UST: variants seen among roughly 807,000 people sequenced by gnomAD.
UST encodes the protein chondroitin sulfate 2-O-sulfotransferase.
Under a neutral mutation model 45.6 loss-of-function variants are expected in UST, and 21 were observed. The ratio of observed to expected loss-of-function variants is 0.46; its 90% confidence interval spans 0.33 to 0.66. UST has a LOEUF of 0.66. UST is among the 30% of genes least tolerant of loss of function. UST has a pLI of 0.02. For synonymous variants in UST, 215 were observed against 200.6 expected (o/e 1.07, Z -0.61); for missense variants, 463 against 512.4 (o/e 0.90, Z 0.93).
intron 5 of UST, among the ~76,000 whole-genome samples, chr6:148,994,373 A>T (rs1781410490): frequency 1.3e-5 from 2 of 152,218 alleles, no homozygotes; most frequent in Admixed American, 6.5e-5. Flanking sequence ...AAAACAATTT[A>T]TTCACTTTAA....
chr6:148,864,219 C>G (rs1221512919), intron 1 of UST, among the ~76,000 whole-genome samples: 2 of 152,258 alleles, frequency 1.3e-5, no homozygotes, highest in East Asian at 1.9e-4. Context: ...GCCCCTCCCC[C>G]AGCCTGGCTG....
Position 148,812,057 on chromosome 6 carries a change from A to AT in UST, c.247+64389dup, listed in dbSNP as rs558130974. Among the ~76,000 whole-genome samples, 299 of 151,954 alleles carry AT rather than the reference A, an allele frequency of 2.0e-3. 1 individual carries two copies. The highest frequency in any genetic ancestry group is 6.8e-3 in the Middle Eastern group (2 of 294). The stretch of plus-strand genomic sequence containing the variant: ...GTGCATTTGCAATTTGTATTTGCAG[A>AT]TTTTTTTTTCTTTCTTTGTATAGTT... On this transcript the variant is annotated intron_variant, in intron 1 of 7. Transcript: ENST00000367463.
intron 1 of UST, among the ~76,000 whole-genome samples, chr6:148,858,149 C>T (rs539335938): frequency 3.9e-5 from 6 of 152,234 alleles, no homozygotes; most frequent in African/African-American, 1.4e-4. Context: ...GGAGTATTGA[C>T]TCACACGATC....
chr6:148,837,329 C>T (rs1361001427), intron 1 of UST, among the ~76,000 whole-genome samples: 1 of 152,160 alleles, frequency 6.6e-6, no homozygotes, highest in East Asian at 1.9e-4. Flanking sequence ...AAGCCTACTC[C>T]ATGCAGAGAA....
chr6:148,792,996 C>T (rs1482783200), intron 1 of UST, among the ~76,000 whole-genome samples: 1 of 151,980 alleles, frequency 6.6e-6, no homozygotes, highest in African/African-American at 2.4e-5. Context: ...ACCTAAACAT[C>T]AAGAAAAGCA....
chr6:148,921,976 A>C (rs1045734654), intron 2 of UST, among the ~76,000 whole-genome samples: 1 of 152,212 alleles, frequency 6.6e-6, no homozygotes, highest in African/African-American at 2.4e-5. Context: ...TAAGGAGGAC[A>C]TCGGCCACAG....
At chr6:148,758,556 A>G (rs1378778480) in intron 1 of UST, among the ~76,000 whole-genome samples, 1 of 152,220 alleles carries the variant, frequency 6.6e-6, no homozygotes, top group Non-Finnish European at 1.5e-5. Flanking sequence ...GCCTGCTCCC[A>G]GAACTTCCCC....
chr6:148,946,541 G>C (rs988876643), intron 3 of UST, among the ~76,000 whole-genome samples: 1 of 133,446 alleles, frequency 7.5e-6, no homozygotes, highest in Non-Finnish European at 1.6e-5. Flanking sequence ...GCCGGGTGCG[G>C]TGGCTCATAC....
chr6:148,907,791 C>T (rs1428370751), intron 2 of UST, among the ~76,000 whole-genome samples: 4 of 152,044 alleles, frequency 2.6e-5, no homozygotes, highest in African/African-American at 9.7e-5. Context: ...AATTTAAATT[C>T]CCCAGTGTGG....
intron 1 of UST, among the ~76,000 whole-genome samples, chr6:148,781,945 A>G (rs1218818305): frequency 6.6e-6 from 1 of 152,232 alleles, no homozygotes; most frequent in Non-Finnish European, 1.5e-5. Flanking sequence ...CTCATTGACA[A>G]TGTACCTAGT....
intron 1 of UST, among the ~76,000 whole-genome samples, chr6:148,852,337 C>A (rs1301047059): frequency 6.6e-6 from 1 of 152,172 alleles, no homozygotes; most frequent in African/African-American, 2.4e-5. Context: ...AAATGCTAAT[C>A]TCTTATTTGC....
rs553176137 is a variant in UST at position 149,010,935 on chromosome 6, T to C, written c.682-8204T>C. ...AAAAAAAAAACTGTGACTATTTATT[T>C]GTCTTTAGTTCAATGCAATAGAAAC... is the stretch of plus-strand genomic sequence containing the variant. On this transcript the variant is annotated intron_variant, in intron 5 of 7. Coordinates refer to ENST00000367463, the MANE Select transcript of UST (RefSeq NM_005715.3). Among the ~76,000 whole-genome samples the C allele has an allele frequency of 6.7e-5, 9 of 133,938 alleles. No individual in the cohort carries two copies. In the South Asian group the frequency reaches 2.2e-3, roughly 33 times the overall value. The allele number at this position is 133,938 out of a possible 152,430, so 87.9% of individuals were successfully genotyped here.
intron 5 of UST, among the ~76,000 whole-genome samples, chr6:148,986,746 G>A (rs947708293): frequency 1.3e-5 from 2 of 152,280 alleles, no homozygotes; most frequent in African/African-American, 2.4e-5. Flanking sequence ...CCTCCTCCTC[G>A]GAATCCCTGT....
intron 5 of UST, among the ~76,000 whole-genome samples, chr6:148,976,884 T>C (rs1309171084): frequency 6.6e-6 from 1 of 152,186 alleles, no homozygotes; most frequent in Non-Finnish European, 1.5e-5. Flanking sequence ...TTTATCAACC[T>C]TTTTCTTTTT....
chr6:148,790,088 G>T lies in UST; in HGVS notation c.247+42411G>T, dbSNP rs372640998. On this transcript the variant is annotated intron_variant, in intron 1 of 7. Coordinates refer to ENST00000367463, the MANE Select transcript of UST (RefSeq NM_005715.3). The surrounding 1 kb of genome is among the most constrained non-coding windows in gnomAD (Gnocchi z 4.2). ...TTCTTTCTCTGGGAATAATGCATTC[G>T]CATTGCTATCGTAGTTATCCTTGCA... Among the ~76,000 whole-genome samples the T allele has an allele frequency of 2.7e-5, 4 of 148,682 alleles. No individual in the cohort carries two copies. Among genetic ancestry groups the T allele is most frequent in the Non-Finnish European group, 5.9e-5 (4 of 67,706 alleles).
At chr6:148,859,242 G>A (rs1173887472) in intron 1 of UST, among the ~76,000 whole-genome samples, 24 of 152,230 alleles carry the variant, frequency 1.6e-4, no homozygotes, top group Non-Finnish European at 2.4e-4. Flanking sequence ...CTGATGGCCA[G>A]TGATGATGAG....
At chr6:148,941,163 A>C in intron 2 of UST, 116 bp from the exon 3 acceptor site, 1 of 1,162,402 alleles carries the variant, frequency 8.6e-7, no homozygotes, top group Non-Finnish European at 1.3e-6. Context: ...ATCTGATTAT[A>C]GGCCTTTTTC....
intron 3 of UST, among the ~76,000 whole-genome samples, chr6:148,943,946 G>C (rs553373108): frequency 6.6e-6 from 1 of 152,300 alleles, no homozygotes; most frequent in South Asian, 2.1e-4. Flanking sequence ...TGCAGAGAGA[G>C]AAGCCAGGAA....
At chr6:149,035,122 G>A (rs1032058143) in intron 7 of UST, among the ~76,000 whole-genome samples, 4 of 151,940 alleles carry the variant, frequency 2.6e-5, no homozygotes, top group Admixed American at 6.6e-5. Flanking sequence ...TATGCGCTTC[G>A]CTGTTTTTTC....
Sources: allele counts gnomAD v4.1 joint callset (sites outside exome capture counted in the v4.1 genomes callset), GRCh38; gene constraint gnomAD v4.1.1; non-coding constraint Gnocchi (gnomAD v3.1); transcripts MANE v1.5; gene names NCBI Gene and HGNC (gene_info 2026-07-23, HGNC 2026-07-21).